CD84: variants seen among roughly 807,000 people sequenced by gnomAD.
The protein encoded by CD84 is SLAM family member 5.
In CD84, 22 loss-of-function variants were observed where a neutral mutation model predicts 33.8. That is an observed-to-expected ratio of 0.65 (90% CI 0.46 to 0.93). CD84 has a LOEUF of 0.93. Ranked by LOEUF, CD84 falls within the 40% of genes least tolerant of loss-of-function variation. The pLI, the probability that CD84 is intolerant of heterozygous loss-of-function variation, is 0.00. For missense variants in CD84, 400 were observed against 397.6 expected, an observed-to-expected ratio of 1.01 and a Z score of -0.05; for synonymous variants, 154 against 145.2, an observed-to-expected ratio of 1.06 and a Z score of -0.44.
At chr1:160,548,437 C>T in intron 6 of CD84, 116 bp from the exon 7 acceptor site, 1 of 1,057,802 alleles carries the variant, frequency 9.5e-7, no homozygotes, top group Non-Finnish European at 1.4e-6. Flanking sequence ...CTTAGATTTG[C>T]CTCATGCTGG....
chr1:160,542,122 G>A lies in CD84; in HGVS notation c.*6134C>T, dbSNP rs1329314702. 6.6e-6 allele frequency: 1 copy of A among 152,186 alleles called. No individual in the cohort carries two copies. The highest frequency in any genetic ancestry group is 1.5e-5 in the Non-Finnish European group (1 of 68,040). The allele number at this position is 152,186 out of a possible 1,614,324, so 9.4% of individuals were successfully genotyped here. On this transcript the variant is annotated 3_prime_UTR_variant, in exon 7 of 7. Coordinates refer to ENST00000368054, the MANE Select transcript of CD84 (RefSeq NM_003874.4). The stretch of plus-strand genomic sequence containing the variant: ...ATAGCAGTTCTGCACCCAGCCCCTG[G>A]AGTTGAATCCTGGCTTTTCTATTTA...
At position 160,546,900 on chromosome 1, in the gene CD84, A is replaced by G. The variant is rs1425881609; in HGVS notation, c.*1356T>C. On this transcript the variant is annotated 3_prime_UTR_variant, in exon 7 of 7. Coordinates refer to ENST00000368054, the MANE Select transcript of CD84 (RefSeq NM_003874.4). ...TAGTGCTAATGGTAGTTGGTGCTAG[A>G]TGAGTCTATGGATTCATTTACTGGG... 1 of 382,400 alleles carries G rather than the reference A, an allele frequency of 2.6e-6. No homozygotes were observed. The highest frequency in any genetic ancestry group is 4.6e-6 in the Non-Finnish European group (1 of 216,288). The allele number at this position is 382,400 out of a possible 1,614,324, so 23.7% of individuals were successfully genotyped here.
At chr1:160,553,125 T>C (rs888196060) in intron 4 of CD84, 2 of 622,138 alleles carry the variant, frequency 3.2e-6, no homozygotes, top group South Asian at 3.8e-5. Flanking sequence ...AGCTTGTTCA[T>C]GTATGTACTA....
chr1:160,548,384 T>C lies in CD84; in HGVS notation c.922-63A>G, dbSNP rs78299780. 528 of 1,564,488 alleles carry C rather than the reference T, an allele frequency of 3.4e-4. 1 individual carries two copies. In the African/African-American group the frequency reaches 6.3e-3, roughly 19 times the overall value. Reference sequence around the variant, plus strand: ...AGGTGCTGCTGGGGAACTCCAGTCCTGCAAGTTCCCAGAGGAGTTAAGCAA... The same window carrying C: ...AGGTGCTGCTGGGGAACTCCAGTCCCGCAAGTTCCCAGAGGAGTTAAGCAA... On this transcript the variant is annotated intron_variant, in intron 6 of 6. Coordinates refer to ENST00000368054, the MANE Select transcript of CD84 (RefSeq NM_003874.4).
intron 1 of CD84, among the ~76,000 whole-genome samples, chr1:160,573,124 C>T (rs1657795630): frequency 1.3e-5 from 2 of 151,796 alleles, no homozygotes; most frequent in South Asian, 2.1e-4. Context: ...CAATAGGGAT[C>T]GTGAGAAAAA....
intron 6 of CD84, among the ~76,000 whole-genome samples, chr1:160,549,362 T>C (rs1213867311): frequency 1.3e-5 from 2 of 152,152 alleles, no homozygotes; most frequent in Non-Finnish European, 2.9e-5. Context: ...AATCCCTCCT[T>C]AGATCCCCAA....
chr1:160,565,323 A>T (rs1254306167), intron 2 of CD84, 81 bp downstream of exon 2: 3 of 1,035,350 alleles, frequency 2.9e-6, no homozygotes, highest in Admixed American at 2.4e-5. Flanking sequence ...GGACCCAATT[A>T]TCAGAAATGT....
Position 160,565,627 on chromosome 1 carries a change from A to T in CD84, c.165T>A (p.Thr55=), listed in dbSNP as rs770857003. Reference sequence around the variant, plus strand: ...TTACATAAGCAACAGATGTTTTAGAAGTCCAAGCAATGATTTTAACTTGCC... The same window carrying T: ...TTACATAAGCAACAGATGTTTTAGATGTCCAAGCAATGATTTTAACTTGCC... ...EPRQVKIIAW[T]SKTSVAYVTP... The change falls in exon 2 of 7, where the codon ACT becomes ACA. Residue 55 remains threonine (T), a synonymous_variant. Transcript: ENST00000368054. 1 of 1,614,002 alleles carries T rather than the reference A, an allele frequency of 6.2e-7. No homozygotes were observed. Among genetic ancestry groups the T allele is most frequent in the Non-Finnish European group, 8.5e-7 (1 of 1,179,904 alleles).
chr1:160,558,012 G>A (rs1024073036), intron 2 of CD84, among the ~76,000 whole-genome samples: 13 of 152,170 alleles, frequency 8.5e-5, no homozygotes, highest in Admixed American at 5.2e-4. Flanking sequence ...GGGGAGGGGC[G>A]GCCACCATTT....
In CD84 at chr1:160,546,405, C is replaced by A. The variant is rs867605965; in HGVS notation, c.*1851G>T. Reference sequence around the variant, plus strand: ...GATAGAAGGACCAAAGAGGAAAAAACAGCAGTGTGAAAAGATCCCTGATTA... The same window carrying A: ...GATAGAAGGACCAAAGAGGAAAAAAAAGCAGTGTGAAAAGATCCCTGATTA... On this transcript the variant is annotated 3_prime_UTR_variant, in exon 7 of 7. Transcript: ENST00000368054. 6.6e-6 allele frequency: 1 copy of A among 152,234 alleles called. No homozygotes were observed. The highest frequency in any genetic ancestry group is 2.4e-5 in the African/African-American group (1 of 41,444). The allele number at this position is 152,234 out of a possible 1,614,324, so 9.4% of individuals were successfully genotyped here.
At position 160,548,163 on chromosome 1, in the gene CD84, G is replaced by A; in HGVS notation, c.*93C>T. The A allele has an allele frequency of 2.2e-6, 3 of 1,343,202 alleles. No homozygotes were observed. Among genetic ancestry groups the A allele is most frequent in the Non-Finnish European group, 3.2e-6 (3 of 941,044 alleles). 83.2% of individuals were successfully genotyped at this position (1,343,202 alleles called of 1,614,324 possible). A position where few individuals can be genotyped will look rare whatever the true frequency, so the allele number is the denominator to read the frequency against. ...AGATGTGGCAGTTTGCAATCTCCCA[G>A]TAAGAGTTGGGCAGAGAAGATCTGG... On this transcript the variant is annotated 3_prime_UTR_variant, in exon 7 of 7. Coordinates refer to ENST00000368054, the MANE Select transcript of CD84 (RefSeq NM_003874.4).
intron 1 of CD84, among the ~76,000 whole-genome samples, chr1:160,578,473 A>G (rs10908788): frequency 0.83 from 126,858 of 152,114 alleles, 53,732 homozygotes; most frequent in Non-Finnish European, 0.92. Context: ...GAGAGATCAC[A>G]GTGCATTGAT....
At chr1:160,564,534 G>T (rs1657194833) in intron 2 of CD84, among the ~76,000 whole-genome samples, 1 of 152,194 alleles carries the variant, frequency 6.6e-6, no homozygotes, top group Non-Finnish European at 1.5e-5. Context: ...GAGGTGAATG[G>T]TTAAACAACC....
chr1:160,565,851 C>A, intron 1 of CD84, 106 bp from the exon 2 acceptor site: 3 of 900,168 alleles, frequency 3.3e-6, no homozygotes, highest in Non-Finnish European at 4.9e-6. Context: ...AAATGCAGTT[C>A]ACCCAGTTTC....
chr1:160,571,728 G>A (rs1234852726), intron 1 of CD84, among the ~76,000 whole-genome samples: 1 of 152,172 alleles, frequency 6.6e-6, no homozygotes, highest in Non-Finnish European at 1.5e-5. Flanking sequence ...GCCTGCTCTA[G>A]GTTAGATGCT....
chr1:160,571,167 C>T (rs953398118), intron 1 of CD84: 1 of 152,062 alleles, frequency 6.6e-6, no homozygotes, highest in Non-Finnish European at 1.5e-5. Flanking sequence ...CTTACTGTAA[C>T]ACTGAAATCC....
At chr1:160,560,803 T>C (rs189803753) in intron 2 of CD84, among the ~76,000 whole-genome samples, 51 of 152,066 alleles carry the variant, frequency 3.4e-4, no homozygotes, top group Admixed American at 1.8e-3. Context: ...TAAAAAATGA[T>C]AAAGGGGATA....
At chr1:160,548,456 G>C in intron 6 of CD84, 135 bp from the exon 7 acceptor site, 5 of 824,874 alleles carry the variant, frequency 6.1e-6, no homozygotes, top group Non-Finnish European at 9.8e-6. Context: ...GGGGAAATCT[G>C]GGGTAGCAGG....
Position 160,565,660 on chromosome 1 carries a change from T to G in CD84, c.132A>C (p.Gln44His). 6.2e-7 allele frequency: 1 copy of G among 1,613,950 alleles called. No homozygotes were observed. Among genetic ancestry groups the G allele is most frequent in the Non-Finnish European group, 8.5e-7 (1 of 1,179,884 alleles). Residue 44 changes from glutamine to histidine, a missense_variant, in exon 2 of 7, where the codon CAA becomes CAC. By Grantham distance (24) the Gln-to-His change is conservative. Coordinates refer to ENST00000368054, the MANE Select transcript of CD84 (RefSeq NM_003874.4). ...CAATGATTTTAACTTGCCGTGGTTC[T>G]TGGATATTTACAGGGAAAGTGACTG... ...GESVTFPVNI[Q>H]EPRQVKIIAW...
Sources: gnomAD v4.1 joint callset for allele counts (sites outside exome capture counted in the v4.1 genomes callset) on GRCh38, gnomAD v4.1.1 for gene constraint, MANE v1.5 for transcripts, NCBI Gene and HGNC (gene_info 2026-07-23, HGNC 2026-07-21) for gene names.